RUFY1: variants seen among roughly 807,000 people sequenced by gnomAD.
The protein encoded by RUFY1 is RUN and FYVE domain containing 1.
Under a neutral mutation model 94.6 loss-of-function variants are expected in RUFY1, and 54 were observed. The observed-to-expected ratio is 0.57, with a 90% CI of 0.46 to 0.72. RUFY1 has a LOEUF of 0.72. RUFY1 is among the 30% of genes least tolerant of loss of function. The probability of loss-of-function intolerance (pLI) is 0.00; values close to 1 mark genes in which losing one functional copy is unlikely to be tolerated. For synonymous variants in RUFY1, 396 were observed against 347.3 expected, an observed-to-expected ratio of 1.14 and a Z score of -1.56; for missense variants, 883 against 883.9, an observed-to-expected ratio of 1.00 and a Z score of 0.01.
intron 15 of RUFY1, among the ~76,000 whole-genome samples, chr5:179,603,453 T>G (rs1766670381): frequency 6.7e-6 from 1 of 149,340 alleles, no homozygotes; most frequent in Non-Finnish European, 1.5e-5. Context: ...CTCAGCTGAG[T>G]GCCCTGTGCT....
At chr5:179,607,483 CAG>C in intron 16 of RUFY1, 97 bp from the exon 17 acceptor site, 1 of 927,304 alleles carries the variant, frequency 1.1e-6, no homozygotes, top group South Asian at 1.4e-5. Context: ...CACTAGGAAA[CAG>C]GTGCTATGAG....
At chr5:179,552,028 G>A (rs1466310057) in intron 1 of RUFY1, among the ~76,000 whole-genome samples, 1 of 151,506 alleles carries the variant, frequency 6.6e-6, no homozygotes, top group Non-Finnish European at 1.5e-5. Flanking sequence ...AGCTGGGTGT[G>A]TTGGCATGCA....
At chr5:179,590,117 G>A (rs767528623) in intron 9 of RUFY1, among the ~76,000 whole-genome samples, 6 of 152,112 alleles carry the variant, frequency 3.9e-5, no homozygotes, top group African/African-American at 7.2e-5. Flanking sequence ...ACTTTGGGAG[G>A]CCGAGGCGGG....
intron 4 of RUFY1, among the ~76,000 whole-genome samples, chr5:179,567,819 G>A (rs372520214): frequency 1.8e-4 from 27 of 152,124 alleles, no homozygotes; most frequent in Non-Finnish European, 2.4e-4. Context: ...CAGGAGAATC[G>A]CTCGAACCCG....
intron 15 of RUFY1, among the ~76,000 whole-genome samples, chr5:179,605,621 C>A (rs923087274): frequency 6.6e-6 from 1 of 152,130 alleles, no homozygotes; most frequent in South Asian, 2.1e-4. Flanking sequence ...TCTTTTTGAG[C>A]CCCTGCAGGC....
intron 5 of RUFY1, among the ~76,000 whole-genome samples, chr5:179,573,786 T>C (rs998603945): frequency 1.3e-5 from 2 of 152,158 alleles, no homozygotes; most frequent in African/African-American, 4.8e-5. Flanking sequence ...CCTCCCAAAG[T>C]GCTGGGATTA....
intron 14 of RUFY1, chr5:179,599,222 T>A: frequency 5.9e-6 from 1 of 170,488 alleles, no homozygotes. Context: ...AGGAAGCCCT[T>A]CATGGGCCCT....
rs1762922886 is a variant in RUFY1 at position 179,567,577 on chromosome 5, A to T, written c.704+15A>T. On this transcript the variant is annotated intron_variant, in intron 4 of 17. Coordinates refer to ENST00000319449, the MANE Select transcript of RUFY1 (RefSeq NM_025158.5). ...CATCTCTTAAGGTATTTCATCAACC[A>T]TGTTTGCTTATCTTTTGCTTGGTAA... The T allele has an allele frequency of 1.3e-6, 2 of 1,549,378 alleles. No homozygotes were observed. Among genetic ancestry groups the T allele is most frequent in the Non-Finnish European group, 1.8e-6 (2 of 1,121,460 alleles).
At chr5:179,592,734 A>T (rs1480849930) in intron 10 of RUFY1, among the ~76,000 whole-genome samples, 1 of 152,218 alleles carries the variant, frequency 6.6e-6, no homozygotes, top group African/African-American at 2.4e-5. Context: ...GCATGGATGC[A>T]GGGAAACATG....
chr5:179,606,127 G>C (rs1767059606), intron 16 of RUFY1: 3 of 590,240 alleles, frequency 5.1e-6, no homozygotes, highest in African/African-American at 3.7e-5. Context: ...GCTGAGCCTA[G>C]GTCTTCCGAC....
At position 179,598,874 on chromosome 5, in the gene RUFY1, C is replaced by G. The variant is rs7709016; in HGVS notation, c.1761+53C>G. 5.6e-6 allele frequency: 9 copies of G among 1,606,152 alleles called. No individual in the cohort carries two copies. In the Middle Eastern group the frequency reaches 1.2e-3, roughly 216 times the overall value. ...AGCCTCTGGCAGCCTCCAGAAACCC[C>G]TAACATGCTCCGGGCAGGCTCCTCT... On this transcript the variant is annotated intron_variant, in intron 14 of 17. Coordinates refer to ENST00000319449, the MANE Select transcript of RUFY1 (RefSeq NM_025158.5).
In RUFY1 at chr5:179,609,577, G is replaced by A; in HGVS notation, c.*58G>A. On this transcript the variant is annotated 3_prime_UTR_variant, in exon 18 of 18. Coordinates refer to ENST00000319449, the MANE Select transcript of RUFY1 (RefSeq NM_025158.5). Reference sequence around the variant, plus strand: ...AGTGCCAAACCCTGTGGGTCTCCAGGGGCTTGGGAAATGTGTTCTTTCCCA... The same window carrying A: ...AGTGCCAAACCCTGTGGGTCTCCAGAGGCTTGGGAAATGTGTTCTTTCCCA... 1 of 1,448,288 alleles carries A rather than the reference G, an allele frequency of 6.9e-7. No homozygotes were observed. 89.7% of individuals were successfully genotyped at this position (1,448,288 alleles called of 1,614,324 possible). A position where few individuals can be genotyped will look rare whatever the true frequency, so the allele number is the denominator to read the frequency against.
In RUFY1 at chr5:179,580,870, T is replaced by G. The variant is rs1764100652; in HGVS notation, c.891-77T>G. On this transcript the variant is annotated intron_variant, in intron 6 of 17. Coordinates refer to ENST00000319449, the MANE Select transcript of RUFY1 (RefSeq NM_025158.5). The stretch of plus-strand genomic sequence containing the variant: ...GACATTGGTACTTCTACAAGGTGAT[T>G]GGAATATTGGGGAACAGTTACAAAG... 4 of 786,450 alleles carry G rather than the reference T, an allele frequency of 5.1e-6. No individual in the cohort carries two copies. The East Asian group carries it at 1.0e-4, about 20-fold the overall frequency. The allele number at this position is 786,450 out of a possible 1,614,324, so 48.7% of individuals were successfully genotyped here.
At position 179,609,421 on chromosome 5, in the gene RUFY1, A is replaced by G. The variant is rs865950166; in HGVS notation, c.2029A>G (p.Ser677Gly). Residue 677 changes from serine to glycine, a missense_variant, in exon 18 of 18, where the codon AGC becomes GGC. Ser to Gly is a moderately conservative substitution (Grantham distance 56). Coordinates refer to ENST00000319449, the MANE Select transcript of RUFY1 (RefSeq NM_025158.5). ...CGHIFCNTCS[S>G]NELALPSYPK... Reference sequence around the variant, plus strand: ...CCACATCTTCTGCAACACCTGCTCCAGCAACGAGCTGGCCCTGCCCTCCTA... The same window carrying G: ...CCACATCTTCTGCAACACCTGCTCCGGCAACGAGCTGGCCCTGCCCTCCTA... 25 of 1,613,380 alleles carry G rather than the reference A, an allele frequency of 1.5e-5. No individual in the cohort carries two copies. In the Middle Eastern group the frequency reaches 3.5e-3, roughly 224 times the overall value.
chr5:179,580,724 G>C (rs1171479383), intron 6 of RUFY1, among the ~76,000 whole-genome samples: 1 of 151,976 alleles, frequency 6.6e-6, no homozygotes. Flanking sequence ...GGTCTGCAGG[G>C]AGCCCACTCT....
rs745752058 is a variant in RUFY1 at position 179,609,513 on chromosome 5, C to T, written c.2121C>T (p.Ala707=). The T allele has an allele frequency of 6.2e-7, 1 of 1,602,690 alleles. No homozygotes were observed. Among genetic ancestry groups the T allele is most frequent in the Non-Finnish European group, 8.5e-7 (1 of 1,177,738 alleles). The stretch of plus-strand genomic sequence containing the variant: ...TCCTGCAGCGCTGCTCCTCCACGGC[C>T]TCCTGAACGTCCGTCCTCAGGAGCA... ...TLLLQRCSST[A]S Residue 707 remains alanine, a synonymous_variant, in exon 18 of 18, where the codon GCC becomes GCT. Coordinates refer to ENST00000319449, the MANE Select transcript of RUFY1 (RefSeq NM_025158.5).
At chr5:179,602,137 C>T (rs552027917) in intron 15 of RUFY1, 151 bp downstream of exon 15, 40 of 647,712 alleles carry the variant, frequency 6.2e-5, no homozygotes, top group South Asian at 1.1e-4. Context: ...TCAGGAAGCC[C>T]GGCCTCAGAG....
intron 5 of RUFY1, among the ~76,000 whole-genome samples, chr5:179,570,287 G>A (rs908135901): frequency 8.5e-5 from 13 of 152,188 alleles, no homozygotes; most frequent in Admixed American, 2.6e-4. Context: ...GCTCAATCTA[G>A]CAGCCATTCA....
intron 11 of RUFY1, among the ~76,000 whole-genome samples, chr5:179,594,259 C>T (rs552996153): frequency 2.6e-5 from 4 of 151,668 alleles, no homozygotes; most frequent in African/African-American, 9.7e-5. Flanking sequence ...GAAATCATTC[C>T]GTTGCACTCC....
Sources: allele counts gnomAD v4.1 joint callset (sites outside exome capture counted in the v4.1 genomes callset), GRCh38; gene constraint gnomAD v4.1.1; transcripts MANE v1.5; gene names NCBI Gene and HGNC (gene_info 2026-07-23, HGNC 2026-07-21).